MYT1L: variants seen among roughly 807,000 people sequenced by gnomAD.
MYT1L encodes myelin transcription factor 1-like protein.
In MYT1L, 12 loss-of-function variants were observed where a neutral mutation model predicts 126.7. The ratio of observed to expected loss-of-function variants is 0.09; its 90% CI spans 0.06 to 0.15. The LOEUF is 0.15. Ranked by LOEUF, MYT1L falls within the 10% of genes least tolerant of loss-of-function variation. The pLI, the probability that MYT1L is intolerant of heterozygous loss-of-function variation, is 1.00. For missense variants in MYT1L, 979 were observed against 1,585.2 expected (o/e 0.62, Z 6.49); for synonymous variants, 541 against 604.2 (o/e 0.90, Z 1.53).
At chr2:2,147,861 G>A (rs1404121925) in intron 3 of MYT1L, among the ~76,000 whole-genome samples, 1 of 152,186 alleles carries the variant, frequency 6.6e-6, no homozygotes, top group East Asian at 1.9e-4. Context: ...GGTCCATCTG[G>A]TACCGTGTCT....
intron 8 of MYT1L, among the ~76,000 whole-genome samples, chr2:1,960,606 G>C (rs1249848358): frequency 6.6e-6 from 1 of 152,194 alleles, no homozygotes. Context: ...GAGTGTTTCA[G>C]CCACATTAGC....
intron 4 of MYT1L, among the ~76,000 whole-genome samples, chr2:2,004,002 C>G (rs1405725289): frequency 2.2e-5 from 3 of 136,374 alleles, no homozygotes; most frequent in African/African-American, 7.8e-5. Flanking sequence ...TTCTTTCCTG[C>G]ATGCCTTCTT....
chr2:2,320,631 A>C (rs571698473), intron 1 of MYT1L, among the ~76,000 whole-genome samples: 61 of 152,320 alleles, frequency 4.0e-4, no homozygotes, highest in African/African-American at 1.4e-3. Flanking sequence ...ATATGAGGCC[A>C]AAAACAGGTT....
In MYT1L at chr2:2,005,767, CGTGCCTTCTTTCCTGT is replaced by C. The variant is rs1457380226; in HGVS notation, c.-157-8436_-157-8421del. On this transcript the variant is annotated intron_variant, in intron 4 of 24. Transcript: ENST00000647738. ...TCTTTCCTGCAGGCGTTCTTTCCTG[CGTGCCTTCTTTCCTGT>C]GTGCGTTCTTTCCTGTGTGCCTTTC... Among the ~76,000 whole-genome samples the C allele has an allele frequency of 1.8e-3, 268 of 147,024 alleles. 1 individual carries two copies. Among genetic ancestry groups the C allele is most frequent in the African/African-American group, 5.7e-3 (225 of 39,334 alleles).
chr2:2,313,220 C>G (rs2096004579), intron 1 of MYT1L, among the ~76,000 whole-genome samples: 1 of 152,054 alleles, frequency 6.6e-6, no homozygotes, highest in South Asian at 2.1e-4. Context: ...AAAAGTAAAG[C>G]TGATAAAATT....
At chr2:2,053,529 C>G (rs1574852992) in intron 4 of MYT1L, among the ~76,000 whole-genome samples, 1 of 152,166 alleles carries the variant, frequency 6.6e-6, no homozygotes, top group South Asian at 2.1e-4. Context: ...CAGTAACTGA[C>G]AGAAACCTAC....
chr2:2,261,759 C>G (rs1275167443), intron 2 of MYT1L, among the ~76,000 whole-genome samples: 1 of 152,128 alleles, frequency 6.6e-6, no homozygotes, highest in Non-Finnish European at 1.5e-5. Flanking sequence ...ATGTGCTTCT[C>G]GTAAATGGAG....
intron 2 of MYT1L, among the ~76,000 whole-genome samples, chr2:2,227,756 G>A (rs1353868422): frequency 2.0e-5 from 3 of 152,188 alleles, no homozygotes; most frequent in African/African-American, 7.2e-5. Context: ...TGATACCCAT[G>A]AAGTTAAAAC....
intron 2 of MYT1L, among the ~76,000 whole-genome samples, chr2:2,205,279 A>G (rs1031011503): frequency 1.3e-5 from 2 of 152,140 alleles, no homozygotes; most frequent in Non-Finnish European, 2.9e-5. Flanking sequence ...ATAAAATTAA[A>G]AAAACTATAA....
At chr2:2,201,245 G>GT (rs34306671) in intron 2 of MYT1L, among the ~76,000 whole-genome samples, 26,367 of 152,166 alleles carry the variant, frequency 0.17, 2,465 homozygotes, top group African/African-American at 0.26. Context: ...ACTGGAGACT[G>GT]TTTTCAGGAC....
rs1182322463 is a variant in MYT1L, at chr2:1,809,081, C to G, written c.3167G>C (p.Ser1056Thr). Residue 1056 changes from serine to threonine, a missense_variant, in exon 22 of 25, where the codon AGC (serine) becomes ACC (threonine). Around this residue, in one of 12 missense-constraint regions of MYT1L, gnomAD observed 179 missense variants for 398.6 expected, o/e 0.45. Coordinates refer to ENST00000647738, the MANE Select transcript of MYT1L (RefSeq NM_001303052.2). ...AGGGCTGGAGGGGTGCTCACCGTTGCTGGCCCGCTGTTTGATGGTCAGCAT... is the reference window on the plus strand; with the variant it reads ...AGGGCTGGAGGGGTGCTCACCGTTGGTGGCCCGCTGTTTGATGGTCAGCAT... ...EQMLTIKQRA[S>T]NGIENDEEIK... is the part of the protein sequence containing the mutation. 6.2e-7 allele frequency: 1 copy of G among 1,613,946 alleles called. No individual in the cohort carries two copies. Among genetic ancestry groups the G allele is most frequent in the East Asian group, 2.2e-5 (1 of 44,858 alleles).
chr2:2,007,457 T>C lies in MYT1L; in HGVS notation c.-157-10110A>G, dbSNP rs139738582. On this transcript the variant is annotated intron_variant, in intron 4 of 24. Coordinates refer to ENST00000647738, the MANE Select transcript of MYT1L (RefSeq NM_001303052.2). The stretch of plus-strand genomic sequence containing the variant: ...AGAATTACAGAAACTGTCTGTGCCT[T>C]TCTCCAAAGATGAATTTGAGAGCTT... Among the ~76,000 whole-genome samples the C allele has an allele frequency of 1.9e-3, 288 of 152,334 alleles. 2 individuals carry two copies. The highest frequency in any genetic ancestry group is 6.8e-3 in the Middle Eastern group (2 of 292).
rs139469983 is a variant in MYT1L at position 2,188,952 on chromosome 2, G to T, written c.-420-15964C>A. Among the ~76,000 whole-genome samples the T allele has an allele frequency of 9.6e-3, 1,463 of 152,240 alleles. 10 individuals carry two copies. The highest frequency in any genetic ancestry group is 0.015 in the Non-Finnish European group (1,007 of 68,024). ...CTGGGAAGCTTCTCCTCTCACACAT[G>T]CTTCAAGTGAGCGTGTTTACTCTGC... On this transcript the variant is annotated intron_variant, in intron 2 of 24. Coordinates refer to ENST00000647738, the MANE Select transcript of MYT1L (RefSeq NM_001303052.2).
rs10604026 is a variant in MYT1L at position 2,261,142 on chromosome 2, CGTGT to C, written c.-421+23258_-421+23261del. On this transcript the variant is annotated intron_variant, in intron 2 of 24. Transcript: ENST00000647738. ...GCTGGGGTGCATGTGTGTGTGAGTGCGTGTGTGTGTGTGTGTGTGTGTGTGTATG... is the reference window on the plus strand; with the variant it reads ...GCTGGGGTGCATGTGTGTGTGAGTGCGTGTGTGTGTGTGTGTGTGTGTATG... 1.8e-3 allele frequency among the ~76,000 whole-genome samples: 261 copies of C among 149,078 alleles called. 1 individual carries two copies. Among genetic ancestry groups the C allele is most frequent in the African/African-American group, 4.3e-3 (173 of 40,606 alleles).
intron 1 of MYT1L, among the ~76,000 whole-genome samples, chr2:2,300,108 T>G (rs2095760783): frequency 6.6e-6 from 1 of 152,208 alleles, no homozygotes. Context: ...AAACTCAAAA[T>G]TCTCCTGTGA....
At chr2:2,176,471 C>A (rs913636599) in intron 2 of MYT1L, among the ~76,000 whole-genome samples, 1 of 152,000 alleles carries the variant, frequency 6.6e-6, no homozygotes, top group African/African-American at 2.4e-5. Flanking sequence ...CCGTAGATCA[C>A]CTGTGCAATA....
intron 3 of MYT1L, among the ~76,000 whole-genome samples, chr2:2,109,156 G>A (rs2079084678): frequency 6.6e-6 from 1 of 152,220 alleles, no homozygotes; most frequent in African/African-American, 2.4e-5. Context: ...CACCTTGATT[G>A]TGGACAGTCA....
intron 1 of MYT1L, chr2:2,326,846 A>G (rs972788450): frequency 1.3e-5 from 2 of 152,252 alleles, no homozygotes; most frequent in East Asian, 1.9e-4. Context: ...ATCACTGTGT[A>G]TGCTTGAACA....
At chr2:2,327,118 G>A (rs1478482854) in intron 1 of MYT1L, 1 of 152,150 alleles carries the variant, frequency 6.6e-6, no homozygotes, top group East Asian at 1.9e-4. Context: ...TAGAATATTT[G>A]TATTATTTCA....
Sources: gnomAD v4.1 joint callset for allele counts (sites outside exome capture counted in the v4.1 genomes callset) on GRCh38, gnomAD v4.1.1 for gene constraint, gnomAD v4.1.1 regional missense constraint, MANE v1.5 for transcripts, NCBI Gene and HGNC (gene_info 2026-07-23, HGNC 2026-07-21) for gene names.